The following FBXW11 variants were observed in gnomAD, a reference collection of about 807,000 sequenced individuals.
The protein encoded by FBXW11 is F-box/WD repeat-containing protein 11.
A neutral mutation model predicts 77.6 loss-of-function variants in FBXW11; 19 were observed. That is an observed-to-expected ratio of 0.24 (90% CI 0.17 to 0.36). FBXW11 has a LOEUF of 0.36. Ranked by LOEUF, FBXW11 falls within the 10% of genes least tolerant of loss-of-function variation. The probability of loss-of-function intolerance (pLI) is 1.00; values close to 1 mark genes in which losing one functional copy is unlikely to be tolerated. For synonymous variants in FBXW11, 235 were observed against 249.4 expected (o/e 0.94, Z 0.54); for missense variants, 334 against 704.2 (o/e 0.47, Z 5.95).
At chr5:171,880,936 T>A (rs927992782) in intron 7 of FBXW11, among the ~76,000 whole-genome samples, 3 of 152,216 alleles carry the variant, frequency 2.0e-5, no homozygotes, top group Admixed American at 1.3e-4. Context: ...CCTCAGATGA[T>A]CCACCCACCT....
At chr5:171,908,492 A>C (rs1329277061) in intron 4 of FBXW11, among the ~76,000 whole-genome samples, 2 of 152,190 alleles carry the variant, frequency 1.3e-5, no homozygotes, top group African/African-American at 2.4e-5. Flanking sequence ...TAATCTACAC[A>C]ATGAAAAACA....
intron 1 of FBXW11, among the ~76,000 whole-genome samples, chr5:171,977,001 G>C (rs943618214): frequency 6.6e-6 from 1 of 151,096 alleles, no homozygotes; most frequent in Non-Finnish European, 1.5e-5. Context: ...AGCCAAAATG[G>C]TGCAGCCTGG....
At chr5:171,896,373 T>A (rs568639843) in intron 6 of FBXW11, among the ~76,000 whole-genome samples, 2 of 152,334 alleles carry the variant, frequency 1.3e-5, no homozygotes, top group East Asian at 3.9e-4. Flanking sequence ...GTCATTTATC[T>A]TTCTGCAATG....
intron 2 of FBXW11, among the ~76,000 whole-genome samples, chr5:171,926,761 A>G (rs1031692575): frequency 6.6e-6 from 1 of 152,242 alleles, no homozygotes; most frequent in Non-Finnish European, 1.5e-5. Flanking sequence ...GAACAGACTA[A>G]TAGAGGCTCC....
chr5:171,882,609 A>C (rs890657628), intron 7 of FBXW11, among the ~76,000 whole-genome samples: 4 of 152,046 alleles, frequency 2.6e-5, no homozygotes, highest in African/African-American at 9.7e-5. Context: ...CCAGCCTCAA[A>C]ATATTTTTAA....
chr5:171,963,618 A>G (rs1764026249), intron 1 of FBXW11, among the ~76,000 whole-genome samples: 2 of 152,154 alleles, frequency 1.3e-5, no homozygotes, highest in Non-Finnish European at 2.9e-5. Flanking sequence ...CAGCAGATAC[A>G]CAGTTTGTAC....
intron 1 of FBXW11, among the ~76,000 whole-genome samples, chr5:171,968,447 A>T (rs1182690231): frequency 2.5e-5 from 3 of 117,784 alleles, no homozygotes; most frequent in Admixed American, 1.0e-4. Context: ...AAAGAGCCAG[A>T]CTCTGTCTCA....
At chr5:171,867,455 G>GAA (rs1040362644) in intron 13 of FBXW11, among the ~76,000 whole-genome samples, 1 of 120,592 alleles carries the variant, frequency 8.3e-6, no homozygotes, top group African/African-American at 3.2e-5. Flanking sequence ...GTGGAGACAG[G>GAA]AAAAAAAAAA....
chr5:171,933,549 T>C (rs1438170409), intron 2 of FBXW11, among the ~76,000 whole-genome samples: 1 of 152,182 alleles, frequency 6.6e-6, no homozygotes, highest in African/African-American at 2.4e-5. Context: ...ATCAAATGTA[T>C]CCCTGTGGTA....
Position 171,919,365 on chromosome 5 carries a change from G to A in FBXW11, c.148-4960C>T, listed in dbSNP as rs559185539. 1.6e-4 allele frequency among the ~76,000 whole-genome samples: 24 copies of A among 152,242 alleles called. No individual in the cohort carries two copies. In the East Asian group the frequency reaches 4.4e-3, roughly 28 times the overall value. On this transcript the variant is annotated intron_variant, in intron 2 of 13. Transcript: ENST00000517395. ...AGCCCATGTGGTAGCACCAACCTAA[G>A]TAAGGAAGCTGCACTGATGGTATCA...
intron 7 of FBXW11, among the ~76,000 whole-genome samples, chr5:171,884,173 C>A (rs1334673003): frequency 6.6e-6 from 1 of 152,174 alleles, no homozygotes; most frequent in Non-Finnish European, 1.5e-5. Flanking sequence ...AGTTTCAGGT[C>A]TTAGGTTTAA....
At chr5:171,905,600 T>TC (rs1561669544) in intron 4 of FBXW11, among the ~76,000 whole-genome samples, 1 of 62,258 alleles carries the variant, frequency 1.6e-5, no homozygotes, top group East Asian at 8.9e-4. Context: ...CCCCCCCCCC[T>TC]TTATTTTCTT....
rs1170190860 is a variant in FBXW11 at position 171,876,136 on chromosome 5, A to G, written c.1221+149T>C. The G allele has an allele frequency of 1.2e-6, 1 of 864,882 alleles. No homozygotes were observed. The highest frequency in any genetic ancestry group is 1.7e-5 in the African/African-American group (1 of 60,034). The allele number at this position is 864,882 out of a possible 1,614,324, so 53.6% of individuals were successfully genotyped here. A position where few individuals can be genotyped will look rare whatever the true frequency, so the allele number is the denominator to read the frequency against. On this transcript the variant is annotated intron_variant, in intron 9 of 13. Coordinates refer to ENST00000517395, the MANE Select transcript of FBXW11 (RefSeq NM_001378974.1). This position sits in a 1 kb window ranked among gnomAD's most constrained non-coding sequence, Gnocchi z 4.2. ...TCCTACCTTGCCTACAACTCTACAG[A>G]TATACAGAGTGGGATGGCCTCAAGG...
chr5:171,968,957 T>A (rs1186256128), intron 1 of FBXW11, among the ~76,000 whole-genome samples: 1 of 152,080 alleles, frequency 6.6e-6, no homozygotes, highest in African/African-American at 2.4e-5. Context: ...GTTGACTACG[T>A]TTTTAAAAGA....
intron 4 of FBXW11, among the ~76,000 whole-genome samples, chr5:171,900,373 A>T (rs1202592634): frequency 2.0e-5 from 3 of 152,220 alleles, no homozygotes; most frequent in Non-Finnish European, 4.4e-5. Context: ...ATATTAAGAT[A>T]AGACTTTTCA....
At chr5:171,889,247 G>A (rs185521574) in intron 7 of FBXW11, among the ~76,000 whole-genome samples, 1 of 152,280 alleles carries the variant, frequency 6.6e-6, no homozygotes, top group African/African-American at 2.4e-5. Context: ...AAAATCTTCT[G>A]TCAAGTACAG....
chr5:171,904,340 C>A lies in FBXW11; in HGVS notation c.437-4240G>T, dbSNP rs971324769. ...TAAAAAGAATGCATTAGATACTCGC[C>A]TTTTCAAACCTCAAAGGCTGCAACA... On this transcript the variant is annotated intron_variant, in intron 4 of 13. Coordinates refer to ENST00000517395, the MANE Select transcript of FBXW11 (RefSeq NM_001378974.1). This position sits in a 1 kb window ranked among gnomAD's most constrained non-coding sequence, Gnocchi z 4.0. 6.6e-6 allele frequency among the ~76,000 whole-genome samples: 1 copy of A among 152,030 alleles called. No homozygotes were observed.
intron 1 of FBXW11, chr5:171,996,904 G>C: frequency 6.2e-6 from 8 of 1,285,814 alleles, no homozygotes; most frequent in African/African-American, 6.1e-5. Context: ...AAAATATTTT[G>C]TACTTCAGAT....
At chr5:171,947,094 G>A (rs770535838) in intron 2 of FBXW11, among the ~76,000 whole-genome samples, 1 of 152,060 alleles carries the variant, frequency 6.6e-6, no homozygotes, top group Non-Finnish European at 1.5e-5. Context: ...GATTACAGGC[G>A]TGAGCCACTG....
Sources: allele counts gnomAD v4.1 joint callset (sites outside exome capture counted in the v4.1 genomes callset), GRCh38; gene constraint gnomAD v4.1.1; non-coding constraint Gnocchi (gnomAD v3.1); transcripts MANE v1.5; gene names NCBI Gene and HGNC (gene_info 2026-07-23, HGNC 2026-07-21).